ZNF705G: variants seen among roughly 807,000 people sequenced by gnomAD.
ZNF705G encodes the protein zinc finger protein 705G, also known as putative zinc finger protein 705G.
In ZNF705G, 23 loss-of-function variants were observed where a neutral mutation model predicts 19.6. The ratio of observed to expected loss-of-function variants is 1.17; its 90% CI spans 0.84 to 1.66. ZNF705G has a LOEUF of 1.66. Among genes scored for constraint, ZNF705G ranks in the 40% most tolerant of loss-of-function variants. The pLI, the probability that ZNF705G is intolerant of heterozygous loss-of-function variation, is 0.00. For synonymous variants in ZNF705G, 146 were observed against 117.7 expected, an observed-to-expected ratio of 1.24 and a Z score of -1.56; for missense variants, 457 against 354.4, an observed-to-expected ratio of 1.29 and a Z score of -2.32.
At position 7,356,123 on chromosome 8, in the gene ZNF705G, A is replaced by C. The variant is rs1435708307; in HGVS notation, c.*1853T>G. 1 of 149,240 alleles carries C rather than the reference A, an allele frequency of 6.7e-6. No individual in the cohort carries two copies. The highest frequency in any genetic ancestry group is 2.6e-5 in the African/African-American group (1 of 38,694). The allele number at this position is 149,240 out of a possible 1,614,324, so 9.2% of individuals were successfully genotyped here. On this transcript the variant is annotated 3_prime_UTR_variant, in exon 7 of 7. Transcript: ENST00000400156. ...CTCCTTCACGGACAATACATTTTTC[A>C]ATTCTGAGGACAAGGCAGAGGAGGG...
In ZNF705G at chr8:7,369,879, A is replaced by AGC. The variant is rs1432734362; in HGVS notation, c.-71-6863_-71-6862insGC. Among the ~76,000 whole-genome samples the AGC allele has an allele frequency of 6.2e-3, 920 of 148,358 alleles. 103 individuals carry two copies. Among genetic ancestry groups the AGC allele is most frequent in the African/African-American group, 0.023 (875 of 38,128 alleles). ...AAGATCAGAACAACAGATACTGGGA[A>AGC]CTACTAGAGGGGGAAGGGAAGGTGG... On this transcript the variant is annotated intron_variant, in intron 2 of 6. Coordinates refer to ENST00000400156, the MANE Select transcript of ZNF705G (RefSeq NM_001164457.3).
At chr8:7,368,692 G>A (rs1212546196) in intron 2 of ZNF705G, among the ~76,000 whole-genome samples, 2 of 149,748 alleles carry the variant, frequency 1.3e-5, no homozygotes, top group Non-Finnish European at 2.9e-5. Context: ...GCTGGTGGCA[G>A]CCCCTCTCCT....
chr8:7,365,401 G>T (rs1364572199), intron 2 of ZNF705G, among the ~76,000 whole-genome samples: 1 of 136,732 alleles, frequency 7.3e-6, no homozygotes, highest in Non-Finnish European at 1.5e-5. Context: ...TTTTTTTGGC[G>T]GAGTATCACT....
rs1388873776 is a variant in ZNF705G, at chr8:7,385,231, CA to C, written c.-222+266del. On this transcript the variant is annotated intron_variant, in intron 1 of 6. Coordinates refer to ENST00000400156, the MANE Select transcript of ZNF705G (RefSeq NM_001164457.3). ...AGGTCAGTGCTCCTTAATCACTTCC[CA>C]AATGTTCCGCTTCTTAATACTATTG... Among the ~76,000 whole-genome samples, 536 of 148,868 alleles carry C rather than the reference CA, an allele frequency of 3.6e-3. 16 individuals carry two copies. Among genetic ancestry groups the C allele is most frequent in the African/African-American group, 0.014 (518 of 38,318 alleles).
intron 2 of ZNF705G, among the ~76,000 whole-genome samples, chr8:7,380,145 C>T (rs1271172418): frequency 1.4e-5 from 2 of 143,562 alleles, no homozygotes; most frequent in Admixed American, 1.3e-4. Context: ...TGGAGAGTCA[C>T]CTTCCCAGGA....
At chr8:7,361,686 CCAAT>C (rs1806606596) in intron 3 of ZNF705G, among the ~76,000 whole-genome samples, 1 of 149,590 alleles carries the variant, frequency 6.7e-6, no homozygotes, top group African/African-American at 2.6e-5. Context: ...AGGTTTCTCA[CCAAT>C]CAAATGGTTA....
rs1487801244 is a variant in ZNF705G, at chr8:7,379,721, C to G, written c.-72+1731G>C. ...CCCACTGTGGACACTGCAATCCTAG[C>G]CAAGGGACAGTCTCTCAGCCCTCGC... On this transcript the variant is annotated intron_variant, in intron 2 of 6. Coordinates refer to ENST00000400156, the MANE Select transcript of ZNF705G (RefSeq NM_001164457.3). Among the ~76,000 whole-genome samples, 7 of 147,374 alleles carry G rather than the reference C, an allele frequency of 4.7e-5. No homozygotes were observed. In the East Asian group the frequency reaches 1.2e-3, roughly 24 times the overall value.
At chr8:7,371,545 T>C (rs1328529213) in intron 2 of ZNF705G, among the ~76,000 whole-genome samples, 3 of 104,502 alleles carry the variant, frequency 2.9e-5, no homozygotes, top group African/African-American at 1.0e-4. Flanking sequence ...ATAATCTTGA[T>C]GGTAGTGATG....
At position 7,375,763 on chromosome 8, in the gene ZNF705G, A is replaced by T. The variant is rs1246006081; in HGVS notation, c.-72+5689T>A. Among the ~76,000 whole-genome samples the T allele has an allele frequency of 2.3e-5, 2 of 87,202 alleles. 1 individual carries two copies. Among genetic ancestry groups the T allele is most frequent in the Non-Finnish European group, 4.4e-5 (2 of 45,526 alleles). The allele number at this position is 87,202 out of a possible 152,430, so 57.2% of individuals were successfully genotyped here. ...CACAATCATTTACTGAATAGCTATT[A>T]TAAGCCAAGACTTTAATCAGATTCT... On this transcript the variant is annotated intron_variant, in intron 2 of 6. Coordinates refer to ENST00000400156, the MANE Select transcript of ZNF705G (RefSeq NM_001164457.3).
rs1432048560 is a variant in ZNF705G, at chr8:7,381,909, G to T, written c.-221-308C>A. On this transcript the variant is annotated intron_variant, in intron 1 of 6. Coordinates refer to ENST00000400156, the MANE Select transcript of ZNF705G (RefSeq NM_001164457.3). ...AAATAAGTTGAAATTTTAAAAAAAT[G>T]AACATACATAGAGTAAATGGATCTT... Among the ~76,000 whole-genome samples, 367 of 150,672 alleles carry T rather than the reference G, an allele frequency of 2.4e-3. 1 individual carries two copies. Among genetic ancestry groups the T allele is most frequent in the African/African-American group, 7.0e-3 (281 of 40,318 alleles).
intron 1 of ZNF705G, among the ~76,000 whole-genome samples, chr8:7,384,160 C>A (rs1257387789): frequency 1.5e-4 from 20 of 130,622 alleles, no homozygotes; most frequent in Admixed American, 5.1e-4. Flanking sequence ...AGTCAGATAA[C>A]CCTGGTTTCA....
At position 7,360,457 on chromosome 8, in the gene ZNF705G, A is replaced by G. The variant is rs1324568007; in HGVS notation, c.140-125T>C. On this transcript the variant is annotated intron_variant, in intron 4 of 6. Transcript: ENST00000400156. ...AAGGTCAGCTCAGGCCACAAGACCTAGAACACAGAAAACTCCCCAGGATTT... is the reference window on the plus strand; with the variant it reads ...AAGGTCAGCTCAGGCCACAAGACCTGGAACACAGAAAACTCCCCAGGATTT... 7 of 1,448,810 alleles carry G rather than the reference A, an allele frequency of 4.8e-6. No individual in the cohort carries two copies. The African/African-American group carries it at 6.7e-5, about 14-fold the overall frequency. The allele number at this position is 1,448,810 out of a possible 1,614,324, so 89.7% of individuals were successfully genotyped here.
chr8:7,356,443 C>G lies in ZNF705G; in HGVS notation c.*1533G>C, dbSNP rs1191761863. 3 of 149,686 alleles carry G rather than the reference C, an allele frequency of 2.0e-5. No individual in the cohort carries two copies. In the East Asian group the frequency reaches 5.8e-4, roughly 29 times the overall value. 9.3% of individuals were successfully genotyped at this position (149,686 alleles called of 1,614,324 possible). On this transcript the variant is annotated 3_prime_UTR_variant, in exon 7 of 7. Transcript: ENST00000400156. The stretch of plus-strand genomic sequence containing the variant: ...AGAAGAGCTGCCTTATTCTCTGATC[C>G]CAGTTAACTGCCTAGAGACAGAGGA...
intron 2 of ZNF705G, among the ~76,000 whole-genome samples, chr8:7,368,975 G>T (rs1806979354): frequency 6.7e-6 from 1 of 149,676 alleles, no homozygotes; most frequent in Non-Finnish European, 1.5e-5. Context: ...AAAGAAAGAG[G>T]TTTAATTGGA....
chr8:7,367,590 A>G (rs1353633760), intron 2 of ZNF705G, among the ~76,000 whole-genome samples: 4 of 149,604 alleles, frequency 2.7e-5, no homozygotes, highest in Non-Finnish European at 5.9e-5. Flanking sequence ...CTCTCCCTAA[A>G]GGACGAATCA....
At chr8:7,366,873 C>T (rs1806881135) in intron 2 of ZNF705G, among the ~76,000 whole-genome samples, 2 of 149,598 alleles carry the variant, frequency 1.3e-5, no homozygotes, top group Non-Finnish European at 2.9e-5. Flanking sequence ...TCTGCATTGT[C>T]CAATGCAGTA....
Position 7,356,944 on chromosome 8 carries a change from G to C in ZNF705G, c.*1032C>G, listed in dbSNP as rs1308704366. On this transcript the variant is annotated 3_prime_UTR_variant, in exon 7 of 7. Coordinates refer to ENST00000400156, the MANE Select transcript of ZNF705G (RefSeq NM_001164457.3). ...TTTACATGCCACATTTTTATGAATA[G>C]ATATTTTCTCAAATTTCTGAATTAT... 12 of 149,798 alleles carry C rather than the reference G, an allele frequency of 8.0e-5. No homozygotes were observed. The highest frequency in any genetic ancestry group is 1.3e-4 in the Admixed American group (2 of 15,236). The allele number at this position is 149,798 out of a possible 1,614,324, so 9.3% of individuals were successfully genotyped here. A position where few individuals can be genotyped will look rare whatever the true frequency, so the allele number is the denominator to read the frequency against.
chr8:7,369,653 C>T lies in ZNF705G; in HGVS notation c.-71-6636G>A, dbSNP rs1299924207. Among the ~76,000 whole-genome samples, 20 of 149,646 alleles carry T rather than the reference C, an allele frequency of 1.3e-4. 1 individual carries two copies. The highest frequency in any genetic ancestry group is 2.1e-4 in the Non-Finnish European group (14 of 68,010). ...CAAAGACATGGAATCAACCTAGATG[C>T]CCATCAATGTTACAGTGGATAGAGA... On this transcript the variant is annotated intron_variant, in intron 2 of 6. Coordinates refer to ENST00000400156, the MANE Select transcript of ZNF705G (RefSeq NM_001164457.3).
At chr8:7,378,482 T>C (rs1325208757) in intron 2 of ZNF705G, among the ~76,000 whole-genome samples, 351 of 87,740 alleles carry the variant, frequency 4.0e-3, no homozygotes, top group African/African-American at 0.024. Context: ...TATAACAAAT[T>C]ACAACAAACT....
Sources: allele counts gnomAD v4.1 joint callset (sites outside exome capture counted in the v4.1 genomes callset), GRCh38; gene constraint gnomAD v4.1.1; transcripts MANE v1.5; gene names NCBI Gene and HGNC (gene_info 2026-07-23, HGNC 2026-07-21).